LRRC37A2: variants seen among roughly 807,000 people sequenced by gnomAD.
The protein encoded by LRRC37A2 is leucine rich repeat containing 37 member A2.
A neutral mutation model predicts 68.8 loss-of-function variants in LRRC37A2; 9 were observed. The observed-to-expected ratio is 0.13, with a 90% CI of 0.08 to 0.23. LRRC37A2 has a LOEUF of 0.23. Ranked by LOEUF, LRRC37A2 falls within the 10% of genes least tolerant of loss-of-function variation. LRRC37A2 has a pLI of 1.00. For synonymous variants in LRRC37A2, 63 were observed against 367.6 expected (o/e 0.17, Z 9.48); for missense variants, 168 against 950.4 (o/e 0.18, Z 10.82).
the LRRC37A2 span, among the ~76,000 whole-genome samples, chr17:46,781,125 G>A: frequency 1.3e-5 from 2 of 151,942 alleles, no homozygotes; most frequent in African/African-American, 2.4e-5. Context: ...CTACTCAGGA[G>A]GCTGAGACAG....
At chr17:46,982,332 A>G in the LRRC37A2 span, among the ~76,000 whole-genome samples, 1 of 152,324 alleles carries the variant, frequency 6.6e-6, no homozygotes, top group South Asian at 2.1e-4. Context: ...ATCCAGCTGA[A>G]GTCAGACTGC....
the LRRC37A2 span, among the ~76,000 whole-genome samples, chr17:46,709,643 C>CA: frequency 6.6e-6 from 1 of 151,964 alleles, no homozygotes; most frequent in African/African-American, 2.4e-5. Context: ...TACAGGCACA[C>CA]ACCACCACAC....
the LRRC37A2 span, among the ~76,000 whole-genome samples, chr17:46,800,189 C>T: frequency 1.3e-5 from 2 of 152,168 alleles, no homozygotes; most frequent in East Asian, 3.8e-4. Context: ...CGGCTCACTG[C>T]AGCCTCCACC....
the LRRC37A2 span, among the ~76,000 whole-genome samples, chr17:46,503,322 C>CTCAA: frequency 1.1e-4 from 17 of 149,648 alleles, no homozygotes; most frequent in Admixed American, 6.6e-5. Flanking sequence ...TATTCATTCA[C>CTCAA]TCAATCAACA....
At chr17:46,825,406 G>A in the LRRC37A2 span, among the ~76,000 whole-genome samples, 1 of 152,246 alleles carries the variant, frequency 6.6e-6, no homozygotes, top group African/African-American at 2.4e-5. Flanking sequence ...TGGGCTCTGA[G>A]GGCGGAAAGT....
At chr17:46,826,888 T>C in the LRRC37A2 span, among the ~76,000 whole-genome samples, 1 of 151,922 alleles carries the variant, frequency 6.6e-6, no homozygotes, top group African/African-American at 2.4e-5. Context: ...CAAATGATTC[T>C]GCTGCCTCAG....
the LRRC37A2 span, among the ~76,000 whole-genome samples, chr17:46,823,095 TATATAATAAACAC>T: frequency 9.0e-6 from 1 of 110,532 alleles, no homozygotes; most frequent in African/African-American, 3.3e-5. Context: ...AAATATGTAT[TATATAATAAACAC>T]ATATATTATA....
At chr17:46,788,663 G>GT in the LRRC37A2 span, among the ~76,000 whole-genome samples, 5 of 152,328 alleles carry the variant, frequency 3.3e-5, no homozygotes, top group South Asian at 2.1e-4. Flanking sequence ...TTGATGGTGA[G>GT]TTTTTTGAGA....
At chr17:47,030,043 A>G in the LRRC37A2 span, among the ~76,000 whole-genome samples, 1 of 148,866 alleles carries the variant, frequency 6.7e-6, no homozygotes, top group Admixed American at 6.7e-5. Context: ...AGCTTGAGGG[A>G]CAGAGTGAGA....
At chr17:46,851,376 T>G in the LRRC37A2 span, among the ~76,000 whole-genome samples, 6 of 141,260 alleles carry the variant, frequency 4.2e-5, no homozygotes, top group African/African-American at 7.6e-5. The surrounding 1 kb of genome is among the most constrained non-coding windows in gnomAD (Gnocchi z 4.3). Flanking sequence ...AGCGCTCACC[T>G]GGGGCCGGAG....
the LRRC37A2 span, chr17:46,875,460 A>C: frequency 7.0e-7 from 1 of 1,426,874 alleles, no homozygotes; most frequent in Non-Finnish European, 9.3e-7. Flanking sequence ...ACTCCCCAAA[A>C]TACATGAAGA....
At chr17:46,829,904 G>A in the LRRC37A2 span, among the ~76,000 whole-genome samples, 2 of 152,214 alleles carry the variant, frequency 1.3e-5, no homozygotes, top group South Asian at 2.1e-4. Flanking sequence ...CTCTGTGGCC[G>A]TTTCTTATCT....
At chr17:46,830,588 AC>A in the LRRC37A2 span, 2 of 398,460 alleles carry the variant, frequency 5.0e-6, no homozygotes. Context: ...ACATGGCATA[AC>A]CAAAATATTT....
At chr17:47,046,182 A>G in the LRRC37A2 span, among the ~76,000 whole-genome samples, 1 of 113,590 alleles carries the variant, frequency 8.8e-6, no homozygotes, top group Non-Finnish European at 2.0e-5. Flanking sequence ...CAAAAGTACA[A>G]AAAAAAAAAA....
chr17:46,840,000 C>CTTCTTTCTTTCTTTCTTTCT, the LRRC37A2 span, among the ~76,000 whole-genome samples: 1 of 125,112 alleles, frequency 8.0e-6, no homozygotes. Flanking sequence ...TTTTTTCTTT[C>CTTCTTTCTTTCTTTCTTTCT]TTCTTTCTTT....
At chr17:46,940,171 C>T in the LRRC37A2 span, 1 of 1,348,566 alleles carries the variant, frequency 7.4e-7, no homozygotes, top group Non-Finnish European at 9.5e-7. Context: ...TTTCAGGCAC[C>T]TCTGTGGCAT....
chr17:46,971,145 G>A, the LRRC37A2 span, among the ~76,000 whole-genome samples: 5 of 152,162 alleles, frequency 3.3e-5, no homozygotes, highest in East Asian at 1.9e-4. Flanking sequence ...TGAGACCAGC[G>A]TGGCCGACAT....
chr17:46,985,519 C>CA, the LRRC37A2 span, among the ~76,000 whole-genome samples: 19,603 of 111,034 alleles, frequency 0.18, 2,243 homozygotes, highest in East Asian at 0.6. Context: ...GATTCCATCT[C>CA]AAAAAAAAAA....
the LRRC37A2 span, among the ~76,000 whole-genome samples, chr17:46,479,430 T>C: frequency 9.6e-6 from 1 of 104,368 alleles, no homozygotes; most frequent in Non-Finnish European, 2.1e-5. Flanking sequence ...TAAATCCTTA[T>C]CTTATTCACC....
Sources: gnomAD v4.1 joint callset for allele counts (sites outside exome capture counted in the v4.1 genomes callset) on GRCh38, gnomAD v4.1.1 for gene constraint, Gnocchi (gnomAD v3.1) non-coding constraint, MANE v1.5 for transcripts, NCBI Gene and HGNC (gene_info 2026-07-23, HGNC 2026-07-21) for gene names.